Variants in FGF13 observed in about 807,000 individuals in gnomAD.
FGF13 encodes the protein fibroblast growth factor 13.
A neutral mutation model predicts 19.5 loss-of-function variants in FGF13; 2 were observed. That is an observed-to-expected ratio of 0.10 (90% CI 0.04 to 0.32). The LOEUF (loss-of-function observed/expected upper bound fraction) is 0.32, where lower values mean the gene tolerates loss of function less well. FGF13 is among the 10% of genes least tolerant of loss of function. FGF13 has a pLI of 1.00. For synonymous variants in FGF13, 72 were observed against 76.9 expected (o/e 0.94, Z 0.33); for missense variants, 113 against 192.7 (o/e 0.59, Z 2.45).
At chrX:139,084,341 A>C (rs1005689991) in intron 1 of FGF13, among the ~76,000 whole-genome samples, 2 of 111,512 alleles carry the variant, frequency 1.8e-5, no homozygotes, top group South Asian at 7.6e-4. Context: ...TGTGACCACT[A>C]AACTTTTGAC....
At chrX:138,657,159 GA>G (rs918815337) in intron 3 of FGF13, among the ~76,000 whole-genome samples, 5 of 107,946 alleles carry the variant, frequency 4.6e-5, no homozygotes, top group East Asian at 3.0e-4. Flanking sequence ...ATCAATTTTA[GA>G]AAAAAAAAGC....
chrX:139,032,344 T>C (rs765461918), intron 1 of FGF13, among the ~76,000 whole-genome samples: 1 of 111,892 alleles, frequency 8.9e-6, no homozygotes, highest in Non-Finnish European at 1.9e-5. Context: ...ACCAACTTCC[T>C]TTTTATAAAA....
intron 3 of FGF13, among the ~76,000 whole-genome samples, chrX:138,660,665 C>G (rs1429581871): frequency 1.8e-5 from 2 of 110,974 alleles, no homozygotes; most frequent in Non-Finnish European, 3.8e-5. Flanking sequence ...TTATTGGTGA[C>G]AGTAGTCACC....
At chrX:138,647,423 C>T (rs7880236) in intron 3 of FGF13, among the ~76,000 whole-genome samples, 6,170 of 110,892 alleles carry the variant, frequency 0.056, 372 homozygotes, top group African/African-American at 0.19. Flanking sequence ...TTCCTATTTA[C>T]GACTAAACTG....
chrX:139,162,181 G>A (rs2084040084), intron 1 of FGF13, among the ~76,000 whole-genome samples: 1 of 112,245 alleles, frequency 8.9e-6, no homozygotes, highest in African/African-American at 3.2e-5. Context: ...AAACAGCATG[G>A]TGCTGGTACA....
At position 138,625,613 on chromosome X, in the gene FGF13, T is replaced by C. The variant is rs1409363272; in HGVS notation, c.*7237A>G. 1 of 101,704 alleles carries C rather than the reference T, an allele frequency of 9.8e-6. No homozygotes were observed. Among genetic ancestry groups the C allele is most frequent in the Admixed American group, 1.1e-4 (1 of 8,882 alleles). The allele number at this position is 101,704 out of a possible 1,213,427, so 8.4% of individuals were successfully genotyped here. A position where few individuals can be genotyped will look rare whatever the true frequency, so the allele number is the denominator to read the frequency against. On this transcript the variant is annotated 3_prime_UTR_variant, in exon 5 of 5. Coordinates refer to ENST00000315930, the MANE Select transcript of FGF13 (RefSeq NM_004114.5). Reference sequence around the variant, plus strand: ...AGCACGTTGAAATAAGCAAACTAAGTGAAATAAGCCAGATGAAAAAAGAAA... The same window carrying C: ...AGCACGTTGAAATAAGCAAACTAAGCGAAATAAGCCAGATGAAAAAAGAAA...
At chrX:138,762,427 A>AT (rs1205346888) in intron 3 of FGF13, among the ~76,000 whole-genome samples, 1 of 112,472 alleles carries the variant, frequency 8.9e-6, no homozygotes, top group Non-Finnish European at 1.9e-5. Context: ...TGAGAACTAG[A>AT]TTTTTTGGAC....
intron 1 of FGF13, among the ~76,000 whole-genome samples, chrX:139,193,668 G>A (rs757570530): frequency 9.0e-6 from 1 of 110,733 alleles, no homozygotes; most frequent in East Asian, 2.8e-4. Context: ...AGTAGGTCAC[G>A]GTAGATCAAG....
chrX:138,625,682 G>A lies in FGF13; in HGVS notation c.*7168C>T, dbSNP rs950797308. The A allele has an allele frequency of 3.7e-5, 4 of 107,303 alleles. No homozygotes were observed. The Admixed American group carries it at 4.1e-4, about 11-fold the overall frequency. 8.8% of individuals were successfully genotyped at this position (107,303 alleles called of 1,213,427 possible). On this transcript the variant is annotated 3_prime_UTR_variant, in exon 5 of 5. Transcript: ENST00000315930. ...CTTTGTATAAAAAGAATCTTAAAAA[G>A]TTGAACTAATGGAAACAGAGAGTTG...
At chrX:138,867,830 T>TATCA in intron 1 of FGF13, among the ~76,000 whole-genome samples, 1 of 85,053 alleles carries the variant, frequency 1.2e-5, no homozygotes, top group East Asian at 4.8e-4. Flanking sequence ...TCTATCTATC[T>TATCA]ATCATCTATC....
At chrX:138,819,094 T>A (rs2090981676) in intron 3 of FGF13, among the ~76,000 whole-genome samples, 1 of 111,276 alleles carries the variant, frequency 9.0e-6, no homozygotes, top group Admixed American at 9.6e-5. Flanking sequence ...ATTGCTTTAA[T>A]CTCAGAAAAT....
At position 138,923,081 on chromosome X, in the gene FGF13, C is replaced by G. The variant is rs1603034687; in HGVS notation, c.-112-58431G>C. 2.7e-5 allele frequency among the ~76,000 whole-genome samples: 3 copies of G among 112,275 alleles called. No homozygotes were observed. In the East Asian group the frequency reaches 8.4e-4, roughly 31 times the overall value. On this transcript the variant is annotated intron_variant, in intron 1 of 2. Transcript: ENST00000421460. ...AAGGTATTTTGCAAGCATAATGTCC[C>G]AGGACTTTGAAATAAAAATACATTT...
intron 1 of FGF13, among the ~76,000 whole-genome samples, chrX:139,076,443 T>TAA (rs201407492): frequency 9.0e-6 from 1 of 110,938 alleles, no homozygotes; most frequent in African/African-American, 3.3e-5. Context: ...TCTAAAAAGG[T>TAA]AAAAAAAACA....
At chrX:138,787,588 A>G (rs1415068675) in intron 3 of FGF13, among the ~76,000 whole-genome samples, 1 of 111,616 alleles carries the variant, frequency 9.0e-6, no homozygotes, top group Non-Finnish European at 1.9e-5. Context: ...CATGTACAGA[A>G]TGTGCAGGTT....
intron 1 of FGF13, among the ~76,000 whole-genome samples, chrX:139,146,204 T>G (rs1482055509): frequency 9.0e-5 from 10 of 111,364 alleles, no homozygotes; most frequent in African/African-American, 3.3e-4. Flanking sequence ...GGGAGAAAAT[T>G]TTTGCAATCT....
intron 3 of FGF13, among the ~76,000 whole-genome samples, chrX:138,753,268 T>C (rs2090409825): frequency 8.9e-6 from 1 of 112,126 alleles, no homozygotes; most frequent in South Asian, 3.7e-4. Flanking sequence ...GCTGTGTTTT[T>C]CTCCTTGCTG....
At chrX:138,707,163 G>A (rs1455150963) in intron 2 of FGF13, among the ~76,000 whole-genome samples, 3 of 111,717 alleles carry the variant, frequency 2.7e-5, no homozygotes, top group Non-Finnish European at 5.6e-5. Context: ...TGATATATGC[G>A]TGTGTGGTGT....
intron 1 of FGF13, among the ~76,000 whole-genome samples, chrX:138,902,241 A>C (rs1317342788): frequency 8.9e-6 from 1 of 112,335 alleles, no homozygotes. Context: ...TTTCTGTTAG[A>C]CTGCTAGAGC....
chrX:138,756,367 A>G (rs1378664630), intron 3 of FGF13, among the ~76,000 whole-genome samples: 2 of 112,390 alleles, frequency 1.8e-5, no homozygotes, highest in African/African-American at 3.2e-5. Context: ...AGTCACTGGG[A>G]ACTGCGGTGG....
Sources: gnomAD v4.1 joint callset for allele counts (sites outside exome capture counted in the v4.1 genomes callset) on GRCh38, gnomAD v4.1.1 for gene constraint, MANE v1.5 for transcripts, NCBI Gene and HGNC (gene_info 2026-07-23, HGNC 2026-07-21) for gene names.